CACNB4: variants seen among roughly 807,000 people sequenced by gnomAD.
The protein encoded by CACNB4 is calcium voltage-gated channel auxiliary subunit beta 4.
Under a neutral mutation model 71.2 loss-of-function variants are expected in CACNB4, and 32 were observed. That is an observed-to-expected ratio of 0.45 (90% CI 0.34 to 0.60). The LOEUF (loss-of-function observed/expected upper bound fraction) is 0.60, where lower values mean the gene tolerates loss of function less well. Among genes scored for constraint, CACNB4 ranks in the 20% least tolerant of loss-of-function variants. The probability of loss-of-function intolerance (pLI) is 0.01; values close to 1 mark genes in which losing one functional copy is unlikely to be tolerated. For synonymous variants in CACNB4, 231 were observed against 236.9 expected (o/e 0.97, Z 0.23); for missense variants, 464 against 647.9 (o/e 0.72, Z 3.08).
chr2:152,009,013 C>T (rs1333995677), intron 2 of CACNB4, among the ~76,000 whole-genome samples: 1 of 152,050 alleles, frequency 6.6e-6, no homozygotes, highest in African/African-American at 2.4e-5. Context: ...TTAACCACCA[C>T]CATCAGGCCT....
chr2:151,847,840 C>T (rs940807598), intron 12 of CACNB4, among the ~76,000 whole-genome samples: 3 of 152,066 alleles, frequency 2.0e-5, no homozygotes, highest in East Asian at 1.9e-4. Context: ...GAGCTCCGAT[C>T]GCGCCACTGC....
intron 2 of CACNB4, among the ~76,000 whole-genome samples, chr2:152,075,483 T>C (rs1443195879): frequency 6.6e-6 from 1 of 152,098 alleles, no homozygotes; most frequent in Non-Finnish European, 1.5e-5. Flanking sequence ...TATGCAATCA[T>C]GAAGAAAAGG....
chr2:151,964,187 C>T (rs1426899361), intron 2 of CACNB4, among the ~76,000 whole-genome samples: 1 of 151,510 alleles, frequency 6.6e-6, no homozygotes, highest in Non-Finnish European at 1.5e-5. Context: ...AACCACGCTG[C>T]ACAGCAATTA....
chr2:151,878,852 A>T (rs2099847144), intron 4 of CACNB4, among the ~76,000 whole-genome samples: 1 of 151,328 alleles, frequency 6.6e-6, no homozygotes, highest in Non-Finnish European at 1.5e-5. Context: ...TCAAGACAGC[A>T]GTGAGCTGTG....
chr2:151,848,308 A>G (rs2099838135), intron 12 of CACNB4, among the ~76,000 whole-genome samples: 2 of 152,208 alleles, frequency 1.3e-5, no homozygotes, highest in African/African-American at 4.8e-5. Flanking sequence ...TTATTTCATG[A>G]AGCAAACATC....
intron 12 of CACNB4, among the ~76,000 whole-genome samples, chr2:151,849,569 C>A (rs1278342794): frequency 5.3e-5 from 8 of 152,132 alleles, no homozygotes. Context: ...CACCATGCAC[C>A]CAGCTCTTTG....
rs574661456 is a variant in CACNB4, at chr2:151,875,680, C to T, written c.521+746G>A. ...GCTGGCCGGGTGGGGGGCTGACCCC[C>T]CCACCTCCCTCCCGGACGGGCGGCT... On this transcript the variant is annotated intron_variant, in intron 5 of 13. Transcript: ENST00000539935. Among the ~76,000 whole-genome samples, 5 of 51,410 alleles carry T rather than the reference C, an allele frequency of 9.7e-5. 1 individual carries two copies. Among genetic ancestry groups the T allele is most frequent in the South Asian group, 9.5e-4 (1 of 1,056 alleles). 33.7% of individuals were successfully genotyped at this position (51,410 alleles called of 152,430 possible).
intron 2 of CACNB4, among the ~76,000 whole-genome samples, chr2:151,938,150 A>C (rs1027054122): frequency 6.6e-6 from 1 of 152,188 alleles, no homozygotes; most frequent in Non-Finnish European, 1.5e-5. Context: ...GGTGAATAAT[A>C]AACACACTGC....
At chr2:152,077,296 C>T (rs1375139187) in intron 2 of CACNB4, among the ~76,000 whole-genome samples, 2 of 151,862 alleles carry the variant, frequency 1.3e-5, no homozygotes, top group East Asian at 1.9e-4. Context: ...GGCTCATGCC[C>T]GTAATCACAA....
chr2:151,978,171 G>A (rs80119892), intron 2 of CACNB4, among the ~76,000 whole-genome samples: 9,311 of 73,588 alleles, frequency 0.13, 565 homozygotes, highest in Admixed American at 0.35. Context: ...GTCCTCTGCT[G>A]TAGTTCTCTG....
At chr2:151,999,244 C>A (rs1420737396) in intron 2 of CACNB4, among the ~76,000 whole-genome samples, 1 of 152,146 alleles carries the variant, frequency 6.6e-6, no homozygotes, top group Non-Finnish European at 1.5e-5. Flanking sequence ...CAGTTCATGT[C>A]CGCCCCCTCT....
chr2:151,995,393 A>G (rs1043896131), intron 2 of CACNB4, among the ~76,000 whole-genome samples: 1 of 152,256 alleles, frequency 6.6e-6, no homozygotes, highest in Non-Finnish European at 1.5e-5. Flanking sequence ...CACAAAAAGA[A>G]GCAGAATACA....
At chr2:152,074,236 A>G (rs1167868683) in intron 2 of CACNB4, among the ~76,000 whole-genome samples, 1 of 151,708 alleles carries the variant, frequency 6.6e-6, no homozygotes, top group Non-Finnish European at 1.5e-5. Flanking sequence ...CACCACAGCT[A>G]CCATCAGCAC....
intron 2 of CACNB4, among the ~76,000 whole-genome samples, chr2:151,974,419 T>A (rs1265926283): frequency 1.3e-5 from 2 of 152,198 alleles, no homozygotes; most frequent in African/African-American, 4.8e-5. Flanking sequence ...AGATTTCTTG[T>A]GGGAATTTCT....
At chr2:151,844,009 G>A (rs1344479173) in intron 12 of CACNB4, among the ~76,000 whole-genome samples, 1 of 152,220 alleles carries the variant, frequency 6.6e-6, no homozygotes, top group Non-Finnish European at 1.5e-5. Context: ...ATGGACTCAT[G>A]TTTGAGAAGA....
intron 2 of CACNB4, among the ~76,000 whole-genome samples, chr2:151,954,643 A>T (rs1287099162): frequency 2.0e-5 from 3 of 152,196 alleles, no homozygotes; most frequent in Non-Finnish European, 4.4e-5. Flanking sequence ...CATCACAGAC[A>T]TAATAACTCT....
chr2:152,060,149 T>C (rs181772654), intron 2 of CACNB4, among the ~76,000 whole-genome samples: 72 of 152,348 alleles, frequency 4.7e-4, no homozygotes, highest in African/African-American at 1.6e-3. Context: ...AATGGACTAA[T>C]ACAATGTTAT....
At chr2:151,916,538 C>T (rs1018007327) in intron 2 of CACNB4, among the ~76,000 whole-genome samples, 1 of 151,866 alleles carries the variant, frequency 6.6e-6, no homozygotes, top group African/African-American at 2.4e-5. Flanking sequence ...TTAAAATAGT[C>T]GACTGAAAAA....
intron 2 of CACNB4, chr2:151,971,831 A>G (rs756505979): frequency 4.4e-5 from 23 of 527,924 alleles, no homozygotes; most frequent in African/African-American, 3.3e-4. Flanking sequence ...CATACTCTCA[A>G]CTGAGGATTG....
Sources: gnomAD v4.1 joint callset for allele counts (sites outside exome capture counted in the v4.1 genomes callset) on GRCh38, gnomAD v4.1.1 for gene constraint, MANE v1.5 for transcripts, NCBI Gene and HGNC (gene_info 2026-07-23, HGNC 2026-07-21) for gene names.